Variants in RIMBP2 observed in about 807,000 individuals in gnomAD.
RIMBP2 encodes the protein RIMS-binding protein 2.
RIMBP2 carries 48 observed loss-of-function variants against 118.6 expected under a neutral mutation model. The observed-to-expected ratio is 0.40, with a 90% CI of 0.32 to 0.51. RIMBP2 has a LOEUF of 0.51. Ranked by LOEUF, RIMBP2 falls within the 20% of genes least tolerant of loss-of-function variation. The pLI is 0.41. For synonymous variants in RIMBP2, 762 were observed against 742.9 expected (o/e 1.03, Z -0.42); for missense variants, 1,551 against 1,768.3 (o/e 0.88, Z 2.20).
chr12:130,610,297 C>A (rs1440104328), intron 2 of RIMBP2, among the ~76,000 whole-genome samples: 1 of 152,206 alleles, frequency 6.6e-6, no homozygotes, highest in East Asian at 1.9e-4. Flanking sequence ...TTCCAGGGTC[C>A]TCTCTTCATC....
In RIMBP2 at chr12:130,420,438, T is replaced by G. The variant is rs1307745355; in HGVS notation, c.3238+2015A>C. The stretch of plus-strand genomic sequence containing the variant: ...CATAGATTTGCTCTTTCACCCAATT[T>G]AACAAGTGTGCTACTGAAATTAAGA... On this transcript the variant is annotated intron_variant, in intron 17 of 22. Coordinates refer to ENST00000690449, the MANE Select transcript of RIMBP2 (RefSeq NM_001393629.1). The surrounding 1 kb of genome is among the most constrained non-coding windows in gnomAD (Gnocchi z 4.3). Among the ~76,000 whole-genome samples, 1 of 152,202 alleles carries G rather than the reference T, an allele frequency of 6.6e-6. No homozygotes were observed. Among genetic ancestry groups the G allele is most frequent in the Non-Finnish European group, 1.5e-5 (1 of 68,044 alleles).
At chr12:130,543,775 C>A (rs939028176) in intron 2 of RIMBP2, among the ~76,000 whole-genome samples, 4 of 151,238 alleles carry the variant, frequency 2.6e-5, no homozygotes, top group Admixed American at 6.6e-5. Flanking sequence ...AAAAAAAGTT[C>A]TTTCACCTAT....
chr12:130,707,823 C>A (rs78630433), intron 1 of RIMBP2, among the ~76,000 whole-genome samples: 8 of 151,834 alleles, frequency 5.3e-5, no homozygotes, highest in Non-Finnish European at 8.8e-5. Context: ...GGGAAAGTGG[C>A]GGATATTAGT....
At chr12:130,438,291 T>G (rs2077693254) in intron 12 of RIMBP2, 74 bp downstream of exon 12, 3 of 1,551,910 alleles carry the variant, frequency 1.9e-6, no homozygotes. Flanking sequence ...CCTCCTCCAC[T>G]GAGCAAATAC....
intron 2 of RIMBP2, among the ~76,000 whole-genome samples, chr12:130,527,740 T>A (rs1296021933): frequency 7.7e-6 from 1 of 129,254 alleles, no homozygotes; most frequent in South Asian, 2.5e-4. Flanking sequence ...TTAAACAGAC[T>A]TACAAGAGAA....
At chr12:130,535,750 T>C (rs891250749) in intron 2 of RIMBP2, among the ~76,000 whole-genome samples, 2,456 of 34,778 alleles carry the variant, frequency 0.071, 73 homozygotes, top group African/African-American at 0.15. Flanking sequence ...TATATATATA[T>C]ATATATATAT....
At chr12:130,681,840 G>A (rs2064802067) in intron 1 of RIMBP2, among the ~76,000 whole-genome samples, 1 of 152,066 alleles carries the variant, frequency 6.6e-6, no homozygotes, top group Non-Finnish European at 1.5e-5. Flanking sequence ...GATTACAGGG[G>A]CTCACCACCA....
intron 1 of RIMBP2, among the ~76,000 whole-genome samples, chr12:130,676,221 T>C (rs2064457019): frequency 6.6e-6 from 1 of 151,952 alleles, no homozygotes; most frequent in African/African-American, 2.4e-5. Flanking sequence ...CACACATGTG[T>C]TCACACAAAA....
intron 1 of RIMBP2, among the ~76,000 whole-genome samples, chr12:130,677,367 G>C (rs1333515062): frequency 2.0e-5 from 3 of 152,110 alleles, no homozygotes; most frequent in Non-Finnish European, 2.9e-5. Context: ...GTGGCTCACA[G>C]CTGTAATCCC....
At chr12:130,708,619 G>A (rs370561648) in intron 1 of RIMBP2, among the ~76,000 whole-genome samples, 3 of 152,102 alleles carry the variant, frequency 2.0e-5, no homozygotes, top group Admixed American at 6.6e-5. Flanking sequence ...CCTGTAGGTC[G>A]AGGCTGCAGT....
chr12:130,590,631 G>A (rs367768895), intron 2 of RIMBP2, among the ~76,000 whole-genome samples: 6 of 152,324 alleles, frequency 3.9e-5, no homozygotes, highest in African/African-American at 1.4e-4. Context: ...ATCTGCACTA[G>A]GTGGCAGGTG....
intron 14 of RIMBP2, 134 bp from the exon 15 acceptor site, chr12:130,428,471 G>T: frequency 1.7e-5 from 14 of 847,966 alleles, no homozygotes; most frequent in Non-Finnish European, 2.3e-5. Context: ...GGCACAGGGT[G>T]TGTGTTACTC....
In RIMBP2 at chr12:130,475,043, G is replaced by A. The variant is rs1336865907; in HGVS notation, c.102+3869C>T. 2.0e-5 allele frequency among the ~76,000 whole-genome samples: 3 copies of A among 152,190 alleles called. No homozygotes were observed. Among genetic ancestry groups the A allele is most frequent in the Admixed American group, 6.5e-5 (1 of 15,286 alleles). On this transcript the variant is annotated intron_variant, in intron 5 of 22. Coordinates refer to ENST00000690449, the MANE Select transcript of RIMBP2 (RefSeq NM_001393629.1). This position sits in a 1 kb window ranked among gnomAD's most constrained non-coding sequence, Gnocchi z 4.1. Reference sequence around the variant, plus strand: ...GAGCCTGAGGTTACCAGCAGACAGCGTGGGTCCTGGCTTGGCTGCCTTTTG... The same window carrying A: ...GAGCCTGAGGTTACCAGCAGACAGCATGGGTCCTGGCTTGGCTGCCTTTTG...
chr12:130,574,022 G>C (rs572116957), intron 2 of RIMBP2, among the ~76,000 whole-genome samples: 3 of 152,242 alleles, frequency 2.0e-5, no homozygotes, highest in Admixed American at 2.0e-4. Flanking sequence ...CTGTCTCCTA[G>C]AGTGGGTTTT....
intron 2 of RIMBP2, among the ~76,000 whole-genome samples, chr12:130,577,525 G>A (rs1294820870): frequency 6.6e-6 from 1 of 152,124 alleles, no homozygotes; most frequent in East Asian, 1.9e-4. Flanking sequence ...AAACCGCCAT[G>A]TTTGAAACCA....
chr12:130,455,756 C>A (rs2137487121), intron 7 of RIMBP2, among the ~76,000 whole-genome samples: 1 of 152,194 alleles, frequency 6.6e-6, no homozygotes, highest in Non-Finnish European at 1.5e-5. Flanking sequence ...CGCTCATCTC[C>A]CCTAATTTTT....
At chr12:130,530,487 T>A (rs1165327674) in intron 2 of RIMBP2, among the ~76,000 whole-genome samples, 1 of 152,058 alleles carries the variant, frequency 6.6e-6, no homozygotes. Flanking sequence ...TAACAATTTT[T>A]AAAAGAAAAA....
intron 1 of RIMBP2, among the ~76,000 whole-genome samples, chr12:130,690,543 T>G (rs1447300923): frequency 6.6e-6 from 1 of 152,184 alleles, no homozygotes; most frequent in African/African-American, 2.4e-5. Context: ...GTATCCTAGA[T>G]TTTTCACTTA....
intron 6 of RIMBP2, among the ~76,000 whole-genome samples, chr12:130,468,635 T>C (rs1254393981): frequency 6.6e-6 from 1 of 152,180 alleles, no homozygotes; most frequent in African/African-American, 2.4e-5. Context: ...CTCCCTGGCC[T>C]GTGGGAAGGA....
Sources: gnomAD v4.1 joint callset for allele counts (sites outside exome capture counted in the v4.1 genomes callset) on GRCh38, gnomAD v4.1.1 for gene constraint, Gnocchi (gnomAD v3.1) non-coding constraint, MANE v1.5 for transcripts, NCBI Gene and HGNC (gene_info 2026-07-23, HGNC 2026-07-21) for gene names.